The following SIL1 variants were observed in gnomAD, a reference collection of about 807,000 sequenced individuals.
The protein encoded by SIL1 is nucleotide exchange factor SIL1.
In SIL1, 40 loss-of-function variants were observed where a neutral mutation model predicts 49.1. The ratio of observed to expected loss-of-function variants is 0.81; its 90% confidence interval spans 0.63 to 1.06. The LOEUF (loss-of-function observed/expected upper bound fraction) is 1.06. SIL1 is among the 50% of genes least tolerant of loss of function. The pLI, the probability that SIL1 is intolerant of heterozygous loss-of-function variation, is 0.00. For synonymous variants in SIL1, 253 were observed against 250.8 expected, an observed-to-expected ratio of 1.01 and a Z score of -0.08; for missense variants, 500 against 572.6, an observed-to-expected ratio of 0.87 and a Z score of 1.29.
intron 6 of SIL1, among the ~76,000 whole-genome samples, chr5:139,022,856 A>G (rs1236918239): frequency 6.6e-6 from 1 of 152,196 alleles, no homozygotes; most frequent in Non-Finnish European, 1.5e-5. Flanking sequence ...TTCCTTCCCT[A>G]CATGCTCTAA....
chr5:139,033,780 A>T (rs1768844203), intron 5 of SIL1, among the ~76,000 whole-genome samples: 1 of 152,268 alleles, frequency 6.6e-6, no homozygotes, highest in Admixed American at 6.5e-5. Flanking sequence ...ACTTAAAAAG[A>T]ATGTATATTC....
At chr5:139,160,143 T>TTA (rs373584010) in intron 1 of SIL1, among the ~76,000 whole-genome samples, 12 of 137,866 alleles carry the variant, frequency 8.7e-5, no homozygotes, top group African/African-American at 3.0e-4. Context: ...ATTTCCACAA[T>TTA]CACACACACA....
intron 3 of SIL1, among the ~76,000 whole-genome samples, chr5:139,053,294 C>T (rs1293153125): frequency 6.6e-6 from 1 of 152,154 alleles, no homozygotes; most frequent in Non-Finnish European, 1.5e-5. Flanking sequence ...CAATCTACCT[C>T]CCAAACTGGT....
chr5:139,015,348 T>C (rs1768375908), intron 7 of SIL1, among the ~76,000 whole-genome samples: 1 of 152,118 alleles, frequency 6.6e-6, no homozygotes, highest in Non-Finnish European at 1.5e-5. Flanking sequence ...TTTTTTTTCA[T>C]TTAAAAGATC....
At chr5:139,059,085 G>T (rs1420940754) in intron 3 of SIL1, among the ~76,000 whole-genome samples, 1 of 151,946 alleles carries the variant, frequency 6.6e-6, no homozygotes, top group Non-Finnish European at 1.5e-5. Context: ...CACACACATA[G>T]ACATACATAC....
In SIL1 at chr5:139,102,398, T is replaced by TTTG. The variant is rs150956478; in HGVS notation, c.244+18634_244+18636dup. On this transcript the variant is annotated intron_variant, in intron 3 of 9. Coordinates refer to ENST00000394817, the MANE Select transcript of SIL1 (RefSeq NM_022464.5). ...ATCTGCACAGTGGGATTTGGGTGAT[T>TTTG]TTGTTGTTGTTGTTGTTGTCTCCCT... Among the ~76,000 whole-genome samples, 556 of 152,006 alleles carry TTTG rather than the reference T, an allele frequency of 3.7e-3. 2 individuals are homozygous for TTTG. Among genetic ancestry groups the TTTG allele is most frequent in the African/African-American group, 0.013 (521 of 41,424 alleles).
chr5:138,951,122 A>T (rs764932231), intron 9 of SIL1, 49 bp downstream of exon 9: 26 of 1,590,252 alleles, frequency 1.6e-5, no homozygotes, highest in Non-Finnish European at 2.2e-5. Flanking sequence ...TCCACCCAGA[A>T]GCACACACAA....
intron 6 of SIL1, among the ~76,000 whole-genome samples, chr5:139,024,632 A>G (rs1768604094): frequency 6.6e-6 from 1 of 152,232 alleles, no homozygotes; most frequent in Admixed American, 6.5e-5. Flanking sequence ...ATGATTACAC[A>G]GCCTCCTGGG....
In SIL1 at chr5:139,028,413, G is replaced by A. The variant is rs561919499; in HGVS notation, c.454-1421C>T. On this transcript the variant is annotated intron_variant, in intron 5 of 9. Coordinates refer to ENST00000394817, the MANE Select transcript of SIL1 (RefSeq NM_022464.5). ...CTCGGGAGGCTGAGGCAGGAGAATC[G>A]CTTGAACCCAGAAGGCAGAGGTTGC... is the stretch of plus-strand genomic sequence containing the variant. 1.4e-4 allele frequency among the ~76,000 whole-genome samples: 22 copies of A among 152,174 alleles called. No homozygotes were observed. The East Asian group carries it at 3.9e-3, about 27-fold the overall frequency.
At chr5:139,103,401 G>C (rs143993157) in intron 3 of SIL1, among the ~76,000 whole-genome samples, 1 of 152,140 alleles carries the variant, frequency 6.6e-6, no homozygotes, top group African/African-American at 2.4e-5. Flanking sequence ...CTGAACCAGC[G>C]TGCCAGTCAG....
At chr5:139,092,811 C>T (rs1449815885) in intron 3 of SIL1, among the ~76,000 whole-genome samples, 2 of 152,146 alleles carry the variant, frequency 1.3e-5, no homozygotes, top group East Asian at 3.9e-4. Flanking sequence ...TCTATGGAAG[C>T]TTTAAAATAT....
chr5:139,092,642 A>G (rs1320038014), intron 3 of SIL1, among the ~76,000 whole-genome samples: 2 of 152,198 alleles, frequency 1.3e-5, no homozygotes, highest in Admixed American at 1.3e-4. Flanking sequence ...AGAAAGCAGA[A>G]CCGCTACATC....
chr5:139,179,577 G>A (rs1246355726), intron 1 of SIL1, among the ~76,000 whole-genome samples: 2 of 152,168 alleles, frequency 1.3e-5, no homozygotes, highest in Admixed American at 1.3e-4. Flanking sequence ...GGCAGGTAGG[G>A]GGTGGCAGGA....
At chr5:139,087,287 A>C (rs1384244141) in intron 3 of SIL1, among the ~76,000 whole-genome samples, 3 of 152,178 alleles carry the variant, frequency 2.0e-5, no homozygotes, top group African/African-American at 7.2e-5. Flanking sequence ...TCTCTTTCCC[A>C]TATGACAACA....
intron 5 of SIL1, among the ~76,000 whole-genome samples, chr5:139,031,548 G>C (rs1055226796): frequency 6.6e-6 from 1 of 152,078 alleles, no homozygotes; most frequent in Non-Finnish European, 1.5e-5. Context: ...CAGGTGGTGT[G>C]TTTTCTTCCA....
chr5:139,109,908 C>T (rs1019891683), intron 3 of SIL1, among the ~76,000 whole-genome samples: 34 of 151,446 alleles, frequency 2.2e-4, no homozygotes, highest in African/African-American at 7.5e-4. Context: ...CGGAGGCTCA[C>T]GTCTATAATC....
chr5:138,956,085 G>A (rs971204924), intron 7 of SIL1, among the ~76,000 whole-genome samples: 2 of 152,228 alleles, frequency 1.3e-5, no homozygotes, highest in African/African-American at 2.4e-5. Flanking sequence ...GCTCACTCAC[G>A]CGTCCTCGTG....
chr5:139,102,484 CAA>C (rs57739735), intron 3 of SIL1, among the ~76,000 whole-genome samples: 5,869 of 115,510 alleles, frequency 0.051, 317 homozygotes, highest in African/African-American at 0.17. Context: ...TGTCAGCAGG[CAA>C]AAAAAAAAAA....
chr5:138,958,363 C>A (rs1489877652), intron 7 of SIL1, among the ~76,000 whole-genome samples: 2 of 152,182 alleles, frequency 1.3e-5, no homozygotes, highest in Non-Finnish European at 2.9e-5. Context: ...ATAAGTCTCA[C>A]AATTGGATGT....
Sources: gnomAD v4.1 joint callset for allele counts (sites outside exome capture counted in the v4.1 genomes callset) on GRCh38, gnomAD v4.1.1 for gene constraint, MANE v1.5 for transcripts, NCBI Gene and HGNC (gene_info 2026-07-23, HGNC 2026-07-21) for gene names.